Variants in SORCS3 observed in about 807,000 individuals in gnomAD.
The protein encoded by SORCS3 is sortilin related VPS10 domain containing receptor 3.
In SORCS3, 57 loss-of-function variants were observed where a neutral mutation model predicts 146.3. That is an observed-to-expected ratio of 0.39 (90% CI 0.31 to 0.49). The LOEUF (loss-of-function observed/expected upper bound fraction) is 0.49. SORCS3 is among the 20% of genes least tolerant of loss of function. The pLI, the probability that SORCS3 is intolerant of heterozygous loss-of-function variation, is 0.92. For missense variants in SORCS3, 1,341 were observed against 1,575.5 expected, an observed-to-expected ratio of 0.85 and a Z score of 2.52; for synonymous variants, 653 against 618.5, an observed-to-expected ratio of 1.06 and a Z score of -0.83.
At chr10:105,164,563 A>T (rs2056296617) in intron 12 of SORCS3, among the ~76,000 whole-genome samples, 184 bp downstream of exon 12, 1 of 152,234 alleles carries the variant, frequency 6.6e-6, no homozygotes, top group Non-Finnish European at 1.5e-5. Context: ...TGAGAAGGGC[A>T]TTGGGCAGGG....
intron 18 of SORCS3, among the ~76,000 whole-genome samples, 183 bp from the exon 19 acceptor site, chr10:105,216,753 A>G (rs748972449): frequency 4.5e-4 from 69 of 152,200 alleles, no homozygotes; most frequent in Non-Finnish European, 1.9e-4. Flanking sequence ...CAATAGGTCC[A>G]TAGTGCCTGC....
At chr10:105,260,359 G>T (rs1487849011) in intron 25 of SORCS3, among the ~76,000 whole-genome samples, 1 of 152,164 alleles carries the variant, frequency 6.6e-6, no homozygotes, top group East Asian at 1.9e-4. Context: ...TGATTGGGAG[G>T]AATCTCAGTT....
intron 1 of SORCS3, among the ~76,000 whole-genome samples, chr10:104,731,460 C>A (rs1001855890): frequency 1.3e-4 from 20 of 152,284 alleles, no homozygotes; most frequent in Admixed American, 5.9e-4. Flanking sequence ...TCCCAGAAGT[C>A]ACTGCCGGGG....
chr10:104,975,302 C>A (rs2054888631), intron 3 of SORCS3, among the ~76,000 whole-genome samples: 1 of 152,068 alleles, frequency 6.6e-6, no homozygotes, highest in Non-Finnish European at 1.5e-5. Flanking sequence ...AGTGAACTCC[C>A]ATTCACAATT....
chr10:105,242,986 A>C (rs1262753908), intron 20 of SORCS3, among the ~76,000 whole-genome samples: 1 of 116,526 alleles, frequency 8.6e-6, no homozygotes, highest in East Asian at 2.2e-4. Flanking sequence ...TATTATATAT[A>C]ATATATATTT....
At chr10:104,668,923 A>G (rs1315863252) in intron 1 of SORCS3, among the ~76,000 whole-genome samples, 3 of 152,204 alleles carry the variant, frequency 2.0e-5, no homozygotes, top group East Asian at 3.9e-4. Context: ...AGCAAATTAA[A>G]CAGGTGCAGT....
At chr10:104,779,184 C>G (rs2017345029) in intron 1 of SORCS3, among the ~76,000 whole-genome samples, 1 of 152,220 alleles carries the variant, frequency 6.6e-6, no homozygotes, top group Non-Finnish European at 1.5e-5. Context: ...GCCAGCCTTG[C>G]TGACATCTCG....
intron 1 of SORCS3, among the ~76,000 whole-genome samples, chr10:104,684,136 CT>C (rs1311361911): frequency 6.6e-6 from 1 of 152,146 alleles, no homozygotes; most frequent in Non-Finnish European, 1.5e-5. Flanking sequence ...CGAGGCACCC[CT>C]GGTCTTGACA....
intron 5 of SORCS3, among the ~76,000 whole-genome samples, chr10:105,048,050 A>G (rs2055385961): frequency 6.6e-6 from 1 of 152,058 alleles, no homozygotes; most frequent in African/African-American, 2.4e-5. Context: ...GCTAGAGAGG[A>G]TGTGGAGAAA....
At chr10:104,825,679 G>C (rs2017926777) in intron 1 of SORCS3, among the ~76,000 whole-genome samples, 1 of 152,174 alleles carries the variant, frequency 6.6e-6, no homozygotes, top group South Asian at 2.1e-4. Flanking sequence ...GGTCTGGTGA[G>C]ATGTTATTAT....
intron 1 of SORCS3, among the ~76,000 whole-genome samples, chr10:104,798,643 T>C (rs1186649381): frequency 6.6e-5 from 10 of 152,168 alleles, no homozygotes; most frequent in Non-Finnish European, 1.5e-4. Flanking sequence ...AAGTATCCAC[T>C]CACCATATAA....
intron 1 of SORCS3, among the ~76,000 whole-genome samples, chr10:104,674,841 C>T (rs1301135655): frequency 6.6e-6 from 1 of 151,852 alleles, no homozygotes; most frequent in Admixed American, 6.6e-5. Context: ...TTAGTTTGTT[C>T]TTTTTATTTC....
chr10:105,134,211 G>A (rs2056042218), intron 7 of SORCS3, among the ~76,000 whole-genome samples: 1 of 152,120 alleles, frequency 6.6e-6, no homozygotes, highest in Non-Finnish European at 1.5e-5. Flanking sequence ...GTCTTATCTT[G>A]GACAAGTCAC....
chr10:104,654,859 A>C (rs2015606217), intron 1 of SORCS3, among the ~76,000 whole-genome samples: 1 of 152,222 alleles, frequency 6.6e-6, no homozygotes, highest in African/African-American at 2.4e-5. Flanking sequence ...CTGGATTTAC[A>C]CAAAATCGGT....
At chr10:105,127,247 C>T (rs2055982583) in intron 7 of SORCS3, among the ~76,000 whole-genome samples, 4 of 152,038 alleles carry the variant, frequency 2.6e-5, no homozygotes, top group Non-Finnish European at 4.4e-5. Context: ...CCCTGATTTT[C>T]GAAGGCATGG....
At chr10:105,164,799 C>T (rs910588550) in intron 12 of SORCS3, among the ~76,000 whole-genome samples, 1 of 152,114 alleles carries the variant, frequency 6.6e-6, no homozygotes, top group African/African-American at 2.4e-5. Context: ...ACTGACAAAG[C>T]CATGGAAGTC....
intron 1 of SORCS3, among the ~76,000 whole-genome samples, chr10:104,723,344 C>T (rs528562870): frequency 7.9e-5 from 12 of 152,254 alleles, no homozygotes; most frequent in African/African-American, 2.6e-4. Flanking sequence ...GTCTGAGAGA[C>T]AGTTTGTTAT....
chr10:104,728,546 G>C (rs985668840), intron 1 of SORCS3, among the ~76,000 whole-genome samples: 5 of 152,182 alleles, frequency 3.3e-5, no homozygotes, highest in Admixed American at 2.6e-4. Context: ...AGAGTAGAAC[G>C]ATTAGGTGAT....
chr10:104,967,118 G>T (rs1442513686), intron 3 of SORCS3, among the ~76,000 whole-genome samples: 1 of 152,074 alleles, frequency 6.6e-6, no homozygotes, highest in Non-Finnish European at 1.5e-5. Context: ...GGCATGTTTA[G>T]TTTCCTCATG....
Sources: allele counts gnomAD v4.1 joint callset (sites outside exome capture counted in the v4.1 genomes callset), GRCh38; gene constraint gnomAD v4.1.1; transcripts MANE v1.5; gene names NCBI Gene and HGNC (gene_info 2026-07-23, HGNC 2026-07-21).